Variants in ELOVL7 observed in about 807,000 individuals in gnomAD.
ELOVL7 encodes the protein ELOVL fatty acid elongase 7.
Under a neutral mutation model 35.7 loss-of-function variants are expected in ELOVL7, and 27 were observed. The ratio of observed to expected loss-of-function variants is 0.76; its 90% CI spans 0.56 to 1.04. The LOEUF is 1.04. ELOVL7 is among the 50% of genes least tolerant of loss of function. The pLI is 0.00. For missense variants in ELOVL7, 327 were observed against 340.8 expected (o/e 0.96, Z 0.32); for synonymous variants, 113 against 114.6 (o/e 0.99, Z 0.09).
intron 1 of ELOVL7, among the ~76,000 whole-genome samples, chr5:60,817,593 A>ATAT (rs1462096687): frequency 6.8e-6 from 1 of 147,384 alleles, no homozygotes; most frequent in Non-Finnish European, 1.5e-5. Flanking sequence ...ATATGTATAT[A>ATAT]TATTAGTATA....
chr5:60,841,654 G>A (rs533043432), intron 1 of ELOVL7, among the ~76,000 whole-genome samples: 147 of 152,228 alleles, frequency 9.7e-4, no homozygotes, highest in South Asian at 1.9e-3. Context: ...TAACACTGTC[G>A]TTCTATTGCT....
At chr5:60,786,828 G>C (rs536316151) in intron 3 of ELOVL7, among the ~76,000 whole-genome samples, 2 of 151,992 alleles carry the variant, frequency 1.3e-5, no homozygotes, top group African/African-American at 4.8e-5. Context: ...TGTAGTCCCA[G>C]CTACTTGGGA....
chr5:60,835,446 CTG>C (rs1417274753), intron 1 of ELOVL7, among the ~76,000 whole-genome samples: 1 of 151,872 alleles, frequency 6.6e-6, no homozygotes, highest in Non-Finnish European at 1.5e-5. Flanking sequence ...GGGTCTCACT[CTG>C]TCATCGAGGC....
chr5:60,798,503 T>C (rs1312775502), intron 2 of ELOVL7, among the ~76,000 whole-genome samples: 1 of 152,064 alleles, frequency 6.6e-6, no homozygotes, highest in Non-Finnish European at 1.5e-5. Flanking sequence ...ACTAAAATAG[T>C]TTTCTACCAC....
At chr5:60,770,195 T>A (rs1008895014) in intron 4 of ELOVL7, among the ~76,000 whole-genome samples, 2 of 152,218 alleles carry the variant, frequency 1.3e-5, no homozygotes, top group African/African-American at 4.8e-5. Context: ...TATTTTAAAA[T>A]CTTCTTTTAC....
At chr5:60,785,835 G>C (rs560545669) in intron 3 of ELOVL7, 64 of 152,262 alleles carry the variant, frequency 4.2e-4, no homozygotes, top group African/African-American at 1.5e-3. Context: ...AAGAACCTTG[G>C]CATTCCTCAA....
At chr5:60,772,441 C>T (rs1199990313) in intron 3 of ELOVL7, among the ~76,000 whole-genome samples, 1 of 152,068 alleles carries the variant, frequency 6.6e-6, no homozygotes, top group African/African-American at 2.4e-5. Flanking sequence ...CACTAGTACC[C>T]GACCGTGCTG....
At chr5:60,801,754 G>A (rs1200122597) in intron 1 of ELOVL7, among the ~76,000 whole-genome samples, 1 of 150,554 alleles carries the variant, frequency 6.6e-6, no homozygotes, top group African/African-American at 2.4e-5. Context: ...GCAGAAGGAA[G>A]GATAAGCAGC....
intron 4 of ELOVL7, among the ~76,000 whole-genome samples, chr5:60,769,500 G>A (rs764422425): frequency 6.6e-6 from 1 of 152,198 alleles, no homozygotes; most frequent in Non-Finnish European, 1.5e-5. Flanking sequence ...GAAGGCATCT[G>A]AGTTTCTTGA....
chr5:60,833,138 C>T (rs1406442648), intron 1 of ELOVL7, among the ~76,000 whole-genome samples: 1 of 152,130 alleles, frequency 6.6e-6, no homozygotes, highest in East Asian at 1.9e-4. Context: ...AAGTCATATT[C>T]AGAAATAAGG....
intron 4 of ELOVL7, among the ~76,000 whole-genome samples, chr5:60,771,094 G>A (rs1017511855): frequency 6.6e-6 from 1 of 152,194 alleles, no homozygotes; most frequent in Non-Finnish European, 1.5e-5. Flanking sequence ...GGAGAGGTCA[G>A]TGGGCCCATA....
intron 3 of ELOVL7, among the ~76,000 whole-genome samples, chr5:60,777,374 G>A (rs928056401): frequency 2.1e-4 from 31 of 150,784 alleles, no homozygotes; most frequent in African/African-American, 7.1e-4. Context: ...CTATTTACCC[G>A]CAAAAATTAA....
intron 1 of ELOVL7, among the ~76,000 whole-genome samples, chr5:60,816,967 C>T (rs1370812950): frequency 2.0e-5 from 3 of 151,896 alleles, no homozygotes; most frequent in African/African-American, 7.3e-5. Flanking sequence ...CAACTTTTTG[C>T]GAATCTATAA....
intron 3 of ELOVL7, among the ~76,000 whole-genome samples, chr5:60,779,524 C>T (rs1244359073): frequency 1.3e-5 from 2 of 152,196 alleles, no homozygotes; most frequent in African/African-American, 4.8e-5. Flanking sequence ...AGCCATGGCC[C>T]AAGCTGCACC....
At chr5:60,794,635 G>C (rs1367357338) in intron 2 of ELOVL7, among the ~76,000 whole-genome samples, 1 of 152,220 alleles carries the variant, frequency 6.6e-6, no homozygotes. Context: ...TGAGGGAAAG[G>C]AGTGGTAGAA....
chr5:60,782,369 A>G (rs1467867187), intron 3 of ELOVL7, among the ~76,000 whole-genome samples: 1 of 152,218 alleles, frequency 6.6e-6, no homozygotes, highest in Non-Finnish European at 1.5e-5. Context: ...AAATAGAATT[A>G]CCATATGATC....
chr5:60,841,020 TTCC>T (rs1345081596), intron 1 of ELOVL7, among the ~76,000 whole-genome samples: 1 of 143,254 alleles, frequency 7.0e-6, no homozygotes, highest in Non-Finnish European at 1.5e-5. Flanking sequence ...AAAAATTACT[TTCC>T]TTTTTTTTTT....
intron 3 of ELOVL7, among the ~76,000 whole-genome samples, chr5:60,781,332 A>G (rs1384085043): frequency 1.3e-5 from 2 of 152,206 alleles, no homozygotes; most frequent in Non-Finnish European, 2.9e-5. Flanking sequence ...TTGCTTTATA[A>G]ACAATTTCAA....
intron 5 of ELOVL7, 69 bp downstream of exon 5, chr5:60,767,754 G>A: frequency 9.0e-7 from 1 of 1,113,028 alleles, no homozygotes; most frequent in Non-Finnish European, 1.4e-6. Context: ...TTTACGTTCA[G>A]TGTTACAAAC....
Sources: gnomAD v4.1 joint callset for allele counts (sites outside exome capture counted in the v4.1 genomes callset) on GRCh38, gnomAD v4.1.1 for gene constraint, MANE v1.5 for transcripts, NCBI Gene and HGNC (gene_info 2026-07-23, HGNC 2026-07-21) for gene names.